Variants in TAF4B observed in about 807,000 individuals in gnomAD.
TAF4B encodes transcription initiation factor TFIID subunit 4B.
TAF4B carries 38 observed loss-of-function variants against 86.4 expected under a neutral mutation model. The ratio of observed to expected loss-of-function variants is 0.44; its 90% confidence interval spans 0.34 to 0.58. The LOEUF is 0.58. TAF4B is among the 20% of genes least tolerant of loss of function. TAF4B has a pLI of 0.02. For synonymous variants in TAF4B, 388 were observed against 391.2 expected (o/e 0.99, Z 0.10); for missense variants, 988 against 1,027.6 (o/e 0.96, Z 0.53).
At chr18:26,265,436 G>T in intron 2 of TAF4B, 121 bp downstream of exon 2, 1 of 1,183,040 alleles carries the variant, frequency 8.5e-7, no homozygotes, top group Non-Finnish European at 1.1e-6. Context: ...CAGCTTTTTA[G>T]GTCAGCTTGC....
chr18:26,317,112 C>T (rs1486284281), intron 10 of TAF4B, among the ~76,000 whole-genome samples: 1 of 150,346 alleles, frequency 6.7e-6, no homozygotes, highest in African/African-American at 2.4e-5. Context: ...TCACTATAAC[C>T]TCCGCCTCCC....
At position 26,285,830 on chromosome 18, in the gene TAF4B, A is replaced by T. The variant is rs956619456; in HGVS notation, c.973-52A>T. ...GGTATGAAATACCACATTTTGTTTC[A>T]CAAGTAGCTGATTTGTTAGCAGTGT... On this transcript the variant is annotated intron_variant, in intron 6 of 14. Transcript: ENST00000269142. 1.9e-6 allele frequency: 3 copies of T among 1,552,556 alleles called. No individual in the cohort carries two copies. The African/African-American group carries it at 4.1e-5, about 21-fold the overall frequency.
At chr18:26,335,602 T>TA (rs1401610951) in intron 13 of TAF4B, among the ~76,000 whole-genome samples, 1 of 152,210 alleles carries the variant, frequency 6.6e-6, no homozygotes, top group East Asian at 1.9e-4. Context: ...TGATACTGCT[T>TA]ATAATTCTTT....
At chr18:26,281,661 C>T (rs1166156785) in intron 5 of TAF4B, among the ~76,000 whole-genome samples, 6 of 152,122 alleles carry the variant, frequency 3.9e-5, no homozygotes, top group African/African-American at 7.2e-5. Flanking sequence ...TTAAGACACG[C>T]GTGCCTTCAA....
intron 13 of TAF4B, among the ~76,000 whole-genome samples, chr18:26,344,430 G>A (rs1480828526): frequency 1.3e-5 from 2 of 151,392 alleles, no homozygotes; most frequent in Non-Finnish European, 2.9e-5. Context: ...TTTTTAAAAG[G>A]AACTTTCAAC....
At chr18:26,385,089 A>G (rs1329175770) in intron 14 of TAF4B, among the ~76,000 whole-genome samples, 1 of 152,184 alleles carries the variant, frequency 6.6e-6, no homozygotes, top group Non-Finnish European at 1.5e-5. Flanking sequence ...AGGATTCCCG[A>G]AGCCACTGGG....
At chr18:26,368,789 A>G (rs945598308) in intron 14 of TAF4B, among the ~76,000 whole-genome samples, 5 of 152,168 alleles carry the variant, frequency 3.3e-5, no homozygotes, top group African/African-American at 1.2e-4. Context: ...ACCTAGACAT[A>G]AATCTGAATT....
chr18:26,240,047 C>T (rs2055813236), intron 1 of TAF4B, among the ~76,000 whole-genome samples: 2 of 152,134 alleles, frequency 1.3e-5, no homozygotes, highest in South Asian at 4.1e-4. Context: ...GTTCTTTTGG[C>T]TTATGATTGT....
intron 1 of TAF4B, among the ~76,000 whole-genome samples, chr18:26,256,646 G>A (rs1220379163): frequency 1.3e-5 from 2 of 151,976 alleles, no homozygotes; most frequent in Non-Finnish European, 2.9e-5. Context: ...GGCATTTATA[G>A]CTGTACATTT....
intron 9 of TAF4B, among the ~76,000 whole-genome samples, chr18:26,307,281 A>G (rs1450482302): frequency 1.3e-5 from 2 of 151,944 alleles, no homozygotes; most frequent in Non-Finnish European, 2.9e-5. Context: ...GGGGGGATTC[A>G]TTTGTGACTT....
intron 13 of TAF4B, among the ~76,000 whole-genome samples, chr18:26,336,546 A>T (rs993327717): frequency 6.6e-6 from 1 of 151,484 alleles, no homozygotes; most frequent in Admixed American, 6.6e-5. Flanking sequence ...AGAACACTTT[A>T]AAAAAAAAGT....
At chr18:26,382,064 G>T (rs2057483859) in intron 14 of TAF4B, among the ~76,000 whole-genome samples, 1 of 152,008 alleles carries the variant, frequency 6.6e-6, no homozygotes, top group African/African-American at 2.4e-5. Flanking sequence ...TACATTTAAA[G>T]ATATTGATAA....
chr18:26,386,162 C>T (rs1978354305), intron 14 of TAF4B, among the ~76,000 whole-genome samples: 1 of 152,056 alleles, frequency 6.6e-6, no homozygotes, highest in South Asian at 2.1e-4. Context: ...TTGCCTCAGG[C>T]TCTCTGCTGC....
intron 6 of TAF4B, 50 bp downstream of exon 6, chr18:26,282,110 A>G (rs781346171): frequency 1.5e-6 from 2 of 1,372,612 alleles, no homozygotes; most frequent in South Asian, 2.5e-5. Flanking sequence ...GATTACTCTA[A>G]AATAATTAAA....
chr18:26,264,590 C>G (rs936423019), intron 1 of TAF4B, among the ~76,000 whole-genome samples: 1 of 152,164 alleles, frequency 6.6e-6, no homozygotes, highest in Non-Finnish European at 1.5e-5. Flanking sequence ...CAAGCAGTTT[C>G]AAGAGAGGAT....
chr18:26,342,968 C>A, intron 13 of TAF4B, among the ~76,000 whole-genome samples: 1 of 152,094 alleles, frequency 6.6e-6, no homozygotes, highest in South Asian at 2.1e-4. Context: ...TTAAAGAGTT[C>A]CAGTTAAGAT....
At chr18:26,285,222 G>GTTTTTTTTGTTTTTT (rs1555677504) in intron 6 of TAF4B, among the ~76,000 whole-genome samples, 1,708 of 45,790 alleles carry the variant, frequency 0.037, 227 homozygotes, top group Non-Finnish European at 0.054. Context: ...TTTTTTTTTT[G>GTTTTTTTTGTTTTTT]TTTTTTTTTT....
At position 26,390,831 on chromosome 18, in the gene TAF4B, A is replaced by G. The variant is rs568798762; in HGVS notation, c.*819A>G. On this transcript the variant is annotated 3_prime_UTR_variant, in exon 15 of 15. Coordinates refer to ENST00000269142, the MANE Select transcript of TAF4B (RefSeq NM_005640.3). ...GGGAAGAGGTGGAATCGGAACTCCA[A>G]AACAACTGGTACATGTTTTGTTGAT... 1 of 152,338 alleles carries G rather than the reference A, an allele frequency of 6.6e-6. No homozygotes were observed. The highest frequency in any genetic ancestry group is 1.9e-4 in the East Asian group (1 of 5,186). 9.4% of individuals were successfully genotyped at this position (152,338 alleles called of 1,614,324 possible).
chr18:26,239,352 A>G (rs1202860654), intron 1 of TAF4B, among the ~76,000 whole-genome samples: 3 of 151,836 alleles, frequency 2.0e-5, no homozygotes, highest in African/African-American at 7.3e-5. Flanking sequence ...GATGATGAGC[A>G]TTTTTTCATG....
Sources: allele counts gnomAD v4.1 joint callset (sites outside exome capture counted in the v4.1 genomes callset), GRCh38; gene constraint gnomAD v4.1.1; transcripts MANE v1.5; gene names NCBI Gene and HGNC (gene_info 2026-07-23, HGNC 2026-07-21).